Variants in TMEM245 observed in about 807,000 individuals in gnomAD.
The protein encoded by TMEM245 is transmembrane protein 245.
Under a neutral mutation model 101.2 loss-of-function variants are expected in TMEM245, and 69 were observed. That is an observed-to-expected ratio of 0.68 (90% CI 0.56 to 0.83). The LOEUF (loss-of-function observed/expected upper bound fraction) is 0.83, where lower values mean the gene tolerates loss of function less well. TMEM245 is among the 40% of genes least tolerant of loss of function. The pLI, the probability that TMEM245 is intolerant of heterozygous loss-of-function variation, is 0.00. For missense variants in TMEM245, 1,075 were observed against 1,092.8 expected (o/e 0.98, Z 0.23); for synonymous variants, 537 against 449.8 (o/e 1.19, Z -2.45).
intron 7 of TMEM245, among the ~76,000 whole-genome samples, chr9:109,082,650 A>AT (rs78965338): frequency 0.026 from 3,846 of 149,654 alleles, 70 homozygotes; most frequent in Middle Eastern, 0.041. Context: ...TAGAGCCTCT[A>AT]TTTTTTTTTT....
chr9:109,080,974 T>C, intron 7 of TMEM245, 31 bp from the exon 8 acceptor site: 1 of 1,394,438 alleles, frequency 7.2e-7, no homozygotes, highest in East Asian at 2.3e-5. Flanking sequence ...GAATTACTTA[T>C]CTTTAAAGTA....
At chr9:109,086,539 A>G (rs11792635) in intron 6 of TMEM245, among the ~76,000 whole-genome samples, 65,279 of 152,044 alleles carry the variant, frequency 0.43, 14,277 homozygotes, top group African/African-American at 0.47. Flanking sequence ...ACCAGGCAAT[A>G]ATCTAGGGAT....
chr9:109,076,808 A>G (rs1829523559), intron 8 of TMEM245, among the ~76,000 whole-genome samples: 1 of 152,218 alleles, frequency 6.6e-6, no homozygotes, highest in South Asian at 2.1e-4. Context: ...TTCCCACCTC[A>G]GCCTCCTAAG....
Position 109,057,263 on chromosome 9 carries a change from G to A in TMEM245, c.1782C>T (p.Ser594=), listed in dbSNP as rs1428596623. 1 of 1,614,068 alleles carries A rather than the reference G, an allele frequency of 6.2e-7. No homozygotes were observed. The highest frequency in any genetic ancestry group is 8.5e-7 in the Non-Finnish European group (1 of 1,179,964). Reference sequence around the variant, plus strand: ...GCCAGTCCAGAATGTCTCCCAGCCAGCTATTCTGACGACTGACATGCAACT... The same window carrying A: ...GCCAGTCCAGAATGTCTCCCAGCCAACTATTCTGACGACTGACATGCAACT... ...GQKLHVSRQN[S]WLGDILDWQD... is the part of the protein sequence containing the mutation. The change falls in exon 12 of 18, where the codon AGC becomes AGT. Residue 594 remains serine, a synonymous_variant. Coordinates refer to ENST00000374586, the MANE Select transcript of TMEM245 (RefSeq NM_032012.4).
chr9:109,039,752 T>C (rs776429197), intron 14 of TMEM245, among the ~76,000 whole-genome samples: 10 of 151,342 alleles, frequency 6.6e-5, no homozygotes, highest in Admixed American at 1.3e-4. Flanking sequence ...ATTTCCGTAG[T>C]AGGAGGAAAA....
intron 17 of TMEM245, among the ~76,000 whole-genome samples, chr9:109,026,373 G>C (rs1365753151): frequency 6.6e-6 from 1 of 152,110 alleles, no homozygotes; most frequent in Non-Finnish European, 1.5e-5. Context: ...GGTAGGAAAC[G>C]CTTCTCTGAT....
Position 109,106,570 on chromosome 9 carries a change from A to C in TMEM245, c.737T>G (p.Val246Gly). Residue 246 changes from valine to glycine, a missense_variant, in exon 3 of 18, where the codon GTT (valine) becomes GGT (glycine). By Grantham distance (109) the Val-to-Gly change is moderately radical. This residue lies in a region of TMEM245 where 808 missense variants were observed against 741.5 expected (regional missense o/e 1.09). Coordinates refer to ENST00000374586, the MANE Select transcript of TMEM245 (RefSeq NM_032012.4). ...ACCCACAGACATCAGGAAAACAATA[A>C]CCAGGAATACTGGAATTCTCCATGA... Reference protein sequence around the residue: ...AGSWRIPVFLVIVFLMSVGTL... With the variant: ...AGSWRIPVFLGIVFLMSVGTL... 1.2e-6 allele frequency: 2 copies of C among 1,613,214 alleles called. No individual in the cohort carries two copies. Among genetic ancestry groups the C allele is most frequent in the Non-Finnish European group, 1.7e-6 (2 of 1,179,480 alleles).
intron 3 of TMEM245, among the ~76,000 whole-genome samples, chr9:109,100,507 T>C (rs187366313): frequency 4.8e-4 from 73 of 152,178 alleles, no homozygotes; most frequent in Middle Eastern, 3.4e-3. Context: ...TTTTATTTTA[T>C]TTTTATGTAT....
intron 14 of TMEM245, chr9:109,038,599 G>T (rs10979666): frequency 0.15 from 22,806 of 152,420 alleles, 1,928 homozygotes; most frequent in African/African-American, 0.2. Context: ...ATCTTTCTTT[G>T]CCTTAACAAA....
intron 9 of TMEM245, among the ~76,000 whole-genome samples, chr9:109,065,921 A>G (rs752767820): frequency 1.3e-5 from 2 of 152,158 alleles, no homozygotes; most frequent in African/African-American, 4.8e-5. Flanking sequence ...CAGCAACTTT[A>G]TGTGCTGTGT....
intron 8 of TMEM245, among the ~76,000 whole-genome samples, chr9:109,078,400 C>T (rs1053054902): frequency 8.5e-5 from 13 of 152,154 alleles, no homozygotes; most frequent in Admixed American, 7.9e-4. Context: ...ATCTTCACCC[C>T]GAAGGAGCTC....
chr9:109,083,913 A>AC (rs1829749289), intron 7 of TMEM245, among the ~76,000 whole-genome samples: 5 of 136,320 alleles, frequency 3.7e-5, no homozygotes, highest in East Asian at 2.1e-4. Flanking sequence ...AAAAAAAAAA[A>AC]AAAAAAAAAA....
At chr9:109,102,150 A>C (rs1326138328) in intron 3 of TMEM245, among the ~76,000 whole-genome samples, 1 of 152,200 alleles carries the variant, frequency 6.6e-6, no homozygotes, top group Non-Finnish European at 1.5e-5. Context: ...GCAGTTGCCA[A>C]AACAGGAAAT....
intron 1 of TMEM245, among the ~76,000 whole-genome samples, chr9:109,108,984 CA>C (rs1353934392): frequency 3.3e-5 from 5 of 151,950 alleles, no homozygotes. Context: ...GAAAGCTTTC[CA>C]AAAAGAATCA....
At chr9:109,094,154 A>G (rs998137543) in intron 3 of TMEM245, among the ~76,000 whole-genome samples, 5 of 152,240 alleles carry the variant, frequency 3.3e-5, no homozygotes, top group Admixed American at 6.5e-5. Flanking sequence ...TTCACATTAT[A>G]TATTTCCATG....
chr9:109,055,188 CACAAA>C (rs914264203), intron 12 of TMEM245, among the ~76,000 whole-genome samples: 5 of 152,116 alleles, frequency 3.3e-5, no homozygotes, highest in African/African-American at 4.8e-5. Context: ...CGACTACAGT[CACAAA>C]ACAAAACAAA....
chr9:109,036,045 C>A (rs6477686), intron 16 of TMEM245, 161 bp downstream of exon 16: 215,288 of 404,992 alleles, frequency 0.53, 52,865 homozygotes, highest in Admixed American at 0.58. Flanking sequence ...ATACTATTTT[C>A]AATGAAAATT....
At position 109,091,159 on chromosome 9, in the gene TMEM245, A is replaced by G; in HGVS notation, c.917-4T>C. On this transcript the variant is annotated splice_polypyrimidine_tract_variant and splice_region_variant and intron_variant, in intron 4 of 17. Coordinates refer to ENST00000374586, the MANE Select transcript of TMEM245 (RefSeq NM_032012.4). ...GATTCTCCCCTGTCCACTGCTTCTG[A>G]AAAGGAAAAGAAAAACACCACACAC... is the stretch of plus-strand genomic sequence containing the variant. 6.2e-7 allele frequency: 1 copy of G among 1,612,136 alleles called. No individual in the cohort carries two copies. The highest frequency in any genetic ancestry group is 8.5e-7 in the Non-Finnish European group (1 of 1,178,864).
intron 14 of TMEM245, among the ~76,000 whole-genome samples, chr9:109,046,804 C>T (rs1828511829): frequency 6.6e-6 from 1 of 152,114 alleles, no homozygotes; most frequent in South Asian, 2.1e-4. Context: ...TTATTTTTCC[C>T]TCAAAATCTT....
Sources: allele counts gnomAD v4.1 joint callset (sites outside exome capture counted in the v4.1 genomes callset), GRCh38; gene constraint gnomAD v4.1.1; regional missense constraint gnomAD v4.1.1; transcripts MANE v1.5; gene names NCBI Gene and HGNC (gene_info 2026-07-23, HGNC 2026-07-21).